GOSR1: variants seen among roughly 807,000 people sequenced by gnomAD.
GOSR1 encodes golgi SNAP receptor complex member 1.
In GOSR1, 21 loss-of-function variants were observed where a neutral mutation model predicts 35.5. That is an observed-to-expected ratio of 0.59 (90% CI 0.42 to 0.85). The LOEUF (loss-of-function observed/expected upper bound fraction) is 0.85. GOSR1 is among the 40% of genes least tolerant of loss of function. The probability of loss-of-function intolerance (pLI) is 0.00; values close to 1 mark genes in which losing one functional copy is unlikely to be tolerated. For synonymous variants in GOSR1, 94 were observed against 106.6 expected, an observed-to-expected ratio of 0.88 and a Z score of 0.73; for missense variants, 285 against 309.6, an observed-to-expected ratio of 0.92 and a Z score of 0.60.
At chr17:30,517,491 G>C (rs553606485) in intron 7 of GOSR1, among the ~76,000 whole-genome samples, 1 of 151,806 alleles carries the variant, frequency 6.6e-6, no homozygotes, top group Non-Finnish European at 1.5e-5. Context: ...ACACCCCTTC[G>C]TGTTAATAGA....
chr17:30,494,911 T>A (rs1057320572), intron 6 of GOSR1, among the ~76,000 whole-genome samples: 7 of 151,914 alleles, frequency 4.6e-5, no homozygotes, highest in Non-Finnish European at 2.9e-5. Flanking sequence ...CCCAGACTTT[T>A]TTTTTTTTTT....
intron 1 of GOSR1, chr17:30,479,524 A>C (rs1375034467): frequency 6.6e-6 from 1 of 152,126 alleles, no homozygotes; most frequent in Non-Finnish European, 1.5e-5. Flanking sequence ...TTTTAGATGG[A>C]GTCTCGCACT....
chr17:30,478,105 C>T, intron 1 of GOSR1: 1 of 190,270 alleles, frequency 5.3e-6, no homozygotes, highest in Non-Finnish European at 9.7e-6. Flanking sequence ...GTGTGAATTG[C>T]AGTTACATTT....
chr17:30,480,937 C>G, intron 1 of GOSR1: 1 of 411,352 alleles, frequency 2.4e-6, no homozygotes, highest in Non-Finnish European at 4.6e-6. Flanking sequence ...GTCTCAAACT[C>G]CCGACCTCAG....
intron 6 of GOSR1, among the ~76,000 whole-genome samples, chr17:30,502,500 T>A (rs187024172): frequency 9.5e-4 from 144 of 152,300 alleles, no homozygotes; most frequent in African/African-American, 3.3e-3. Flanking sequence ...ATTCATTTTT[T>A]AAAAAGGAAA....
chr17:30,513,129 A>C (rs1473408447), intron 7 of GOSR1, among the ~76,000 whole-genome samples: 2 of 152,214 alleles, frequency 1.3e-5, no homozygotes, highest in Non-Finnish European at 2.9e-5. Context: ...ATATGGAAAA[A>C]TTTACCTTTT....
chr17:30,506,199 A>G (rs1383688013), intron 6 of GOSR1, among the ~76,000 whole-genome samples: 2 of 152,256 alleles, frequency 1.3e-5, no homozygotes, highest in African/African-American at 4.8e-5. Flanking sequence ...TCTTTCAATC[A>G]GAAGGCAGAA....
At chr17:30,514,172 T>A (rs1161431539) in intron 7 of GOSR1, among the ~76,000 whole-genome samples, 1 of 152,244 alleles carries the variant, frequency 6.6e-6, no homozygotes, top group Non-Finnish European at 1.5e-5. Context: ...CTTGTGTTCC[T>A]TTCATTTGGG....
At chr17:30,495,473 A>G (rs753456710) in intron 6 of GOSR1, 14 of 455,126 alleles carry the variant, frequency 3.1e-5, no homozygotes, top group Non-Finnish European at 5.7e-5. Flanking sequence ...TAACTTACAC[A>G]AGCAGAAAAA....
At chr17:30,510,646 G>A (rs1173374487) in intron 6 of GOSR1, 4 of 283,626 alleles carry the variant, frequency 1.4e-5, no homozygotes, top group Non-Finnish European at 2.8e-5. Context: ...CCTAGGAGGC[G>A]GCAGCTGCAG....
At chr17:30,494,355 G>A (rs191744918) in intron 6 of GOSR1, among the ~76,000 whole-genome samples, 5 of 152,130 alleles carry the variant, frequency 3.3e-5, no homozygotes, top group South Asian at 4.2e-4. Flanking sequence ...TTCGTTTTTG[G>A]CTTCTCTTTC....
At chr17:30,489,924 A>G (rs2143680675) in intron 4 of GOSR1, among the ~76,000 whole-genome samples, 1 of 152,334 alleles carries the variant, frequency 6.6e-6, no homozygotes, top group Admixed American at 6.5e-5. Flanking sequence ...CTGTTTCCCT[A>G]GCACTGAATT....
chr17:30,487,834 G>A (rs923892936), intron 4 of GOSR1, among the ~76,000 whole-genome samples: 33 of 152,166 alleles, frequency 2.2e-4, no homozygotes, highest in African/African-American at 7.9e-4. Context: ...GGAGTGCAAT[G>A]GTGCGATCTC....
rs1004763605 is a variant in GOSR1, at chr17:30,527,551, G to A, written c.*5173G>A. 2.8e-4 allele frequency: 42 copies of A among 152,052 alleles called. No individual in the cohort carries two copies. The highest frequency in any genetic ancestry group is 9.7e-4 in the African/African-American group (40 of 41,344). 9.4% of individuals were successfully genotyped at this position (152,052 alleles called of 1,614,324 possible). On this transcript the variant is annotated 3_prime_UTR_variant, in exon 9 of 9. Coordinates refer to ENST00000451249, the MANE Select transcript of GOSR1 (RefSeq NM_001007025.2). Reference sequence around the variant, plus strand: ...GGGTTATGTGAGGAAATGCTCATAAGCATCTCAGCAAAGCCAGGGGTACAG... The same window carrying A: ...GGGTTATGTGAGGAAATGCTCATAAACATCTCAGCAAAGCCAGGGGTACAG...
intron 6 of GOSR1, among the ~76,000 whole-genome samples, chr17:30,500,411 G>A (rs1421937296): frequency 6.6e-6 from 1 of 152,166 alleles, no homozygotes; most frequent in Non-Finnish European, 1.5e-5. Context: ...TGTGGTGTAA[G>A]TTAAGGGTCA....
At chr17:30,489,012 G>T (rs977978219) in intron 4 of GOSR1, among the ~76,000 whole-genome samples, 1 of 152,216 alleles carries the variant, frequency 6.6e-6, no homozygotes, top group African/African-American at 2.4e-5. Context: ...AGTACAAAAA[G>T]CAAGGTGTAC....
intron 7 of GOSR1, among the ~76,000 whole-genome samples, chr17:30,514,906 A>G (rs1967744072): frequency 1.3e-5 from 2 of 152,248 alleles, no homozygotes; most frequent in African/African-American, 4.8e-5. Flanking sequence ...TGAGAGACAG[A>G]TACACACATT....
chr17:30,479,213 A>G (rs145461813), intron 1 of GOSR1: 1 of 152,328 alleles, frequency 6.6e-6, no homozygotes, highest in African/African-American at 2.4e-5. Flanking sequence ...AATGTTTTGT[A>G]TTCTTTTTGA....
intron 6 of GOSR1, chr17:30,495,288 A>C (rs759425981): frequency 9.1e-5 from 33 of 362,996 alleles, no homozygotes; most frequent in African/African-American, 7.0e-4. Context: ...TACCTCAAAC[A>C]TTGAAATGCC....
Sources: gnomAD v4.1 joint callset for allele counts (sites outside exome capture counted in the v4.1 genomes callset) on GRCh38, gnomAD v4.1.1 for gene constraint, MANE v1.5 for transcripts, NCBI Gene and HGNC (gene_info 2026-07-23, HGNC 2026-07-21) for gene names.